HLA-F: variants seen among roughly 807,000 people sequenced by gnomAD.
HLA-F encodes the protein HLA class I histocompatibility antigen, alpha chain F.
A neutral mutation model predicts 49.5 loss-of-function variants in HLA-F; 46 were observed. The observed-to-expected ratio is 0.93, with a 90% CI of 0.73 to 1.19. The LOEUF (loss-of-function observed/expected upper bound fraction) is 1.19, where lower values mean the gene tolerates loss of function less well. HLA-F is among the 50% of genes most tolerant of loss of function. The probability of loss-of-function intolerance (pLI) is 0.00; values close to 1 mark genes in which losing one functional copy is unlikely to be tolerated. For synonymous variants in HLA-F, 203 were observed against 233.5 expected, an observed-to-expected ratio of 0.87 and a Z score of 1.19; for missense variants, 496 against 579.6, an observed-to-expected ratio of 0.86 and a Z score of 1.48.
chr6:29,733,481 CT>C (rs1776803342), intron 3 of HLA-F, among the ~76,000 whole-genome samples: 1 of 152,014 alleles, frequency 6.6e-6, no homozygotes, highest in African/African-American at 2.4e-5. Flanking sequence ...TGAAAAGTGG[CT>C]GAGTGCACAC....
At position 29,726,558 on chromosome 6, in the gene HLA-F, AATGT is replaced by A. The variant is rs1436975049; in HGVS notation, c.1037-324_1037-321del. The A allele has an allele frequency of 5.4e-5, 74 of 1,359,848 alleles. 2 individuals are homozygous for A. The highest frequency in any genetic ancestry group is 3.6e-4 in the African/African-American group (21 of 58,160). The allele number at this position is 1,359,848 out of a possible 1,614,324, so 84.2% of individuals were successfully genotyped here. On this transcript the variant is annotated intron_variant, in intron 6 of 6. Coordinates refer to ENST00000259951, the MANE Select transcript of HLA-F (RefSeq NM_001098479.2). ...GATATGTTTTTATAGCATGCACGTA[AATGT>A]GTGTGTGTGTGTGTGTGTGTGAAGA...
rs2127585758 is a variant in HLA-F, at chr6:29,724,452, C to T, written c.610+4C>T. ...AAGGAGACGCTACAGCGCGCAGGTA[C>T]CAGGGGCCATGGGCGCCTTCCCTAT... On this transcript the variant is annotated splice_donor_region_variant and intron_variant, in intron 3 of 6. Coordinates refer to ENST00000259951, the MANE Select transcript of HLA-F (RefSeq NM_001098479.2). 1 of 1,612,342 alleles carries T rather than the reference C, an allele frequency of 6.2e-7. No individual in the cohort carries two copies. The highest frequency in any genetic ancestry group is 8.5e-7 in the Non-Finnish European group (1 of 1,179,334).
At chr6:29,737,094 T>A (rs1233903653) in intron 3 of HLA-F, among the ~76,000 whole-genome samples, 2 of 152,084 alleles carry the variant, frequency 1.3e-5, no homozygotes, top group Non-Finnish European at 2.9e-5. Context: ...TTTTGCAATT[T>A]GTAATGAATT....
chr6:29,728,031 A>G (rs55672647), downstream of HLA-F: 34,229 of 518,978 alleles, frequency 0.066, 1,728 homozygotes, highest in East Asian at 0.17. Context: ...AGAGGACATT[A>G]GCTATGTCTG....
rs757381806 is a variant in HLA-F at position 29,724,439 on chromosome 6, C to A, written c.601C>A (p.Gln201Lys). The change falls in exon 3 of 7, where the codon CAG (glutamine) becomes AAG (lysine). Residue 201 changes from glutamine to lysine, a missense_variant. Coordinates refer to ENST00000259951, the MANE Select transcript of HLA-F (RefSeq NM_001098479.2). ...RYLENGKETL[Q>K]RADPPKAHVA... Reference sequence around the variant, plus strand: ...CTTGGAGAATGGGAAGGAGACGCTACAGCGCGCAGGTACCAGGGGCCATGG... The same window carrying A: ...CTTGGAGAATGGGAAGGAGACGCTAAAGCGCGCAGGTACCAGGGGCCATGG... The A allele has an allele frequency of 1.2e-6, 2 of 1,613,116 alleles. No homozygotes were observed. Among genetic ancestry groups the A allele is most frequent in the East Asian group, 2.2e-5 (1 of 44,868 alleles).
rs777697040 is a variant in HLA-F at position 29,727,004 on chromosome 6, G to A, written c.1158G>A (p.Lys386=). 4 of 1,613,404 alleles carry A rather than the reference G, an allele frequency of 2.5e-6. No individual in the cohort carries two copies. The African/African-American group carries it at 4.0e-5, about 16-fold the overall frequency. ...GTCACAGTGTCTTGGGCCGCCGGAA[G>A]GTGGGTGACATGTGGATCTTGTTTT... ...LRSHSVLGRR[K]VGDMWILFFL... The change falls in exon 7 of 7, where the codon AAG becomes AAA. Residue 386 remains lysine, a synonymous_variant. Transcript: ENST00000259951.
chr6:29,724,494 G>A, intron 3 of HLA-F, 46 bp downstream of exon 3: 1 of 1,596,192 alleles, frequency 6.3e-7, no homozygotes, highest in South Asian at 1.1e-5. Flanking sequence ...TAGATCTCTT[G>A]GGATGGCCTC....
downstream of HLA-F, among the ~76,000 whole-genome samples, chr6:29,730,207 T>C (rs1776450992): frequency 6.6e-6 from 1 of 152,212 alleles, no homozygotes; most frequent in African/African-American, 2.4e-5. Context: ...ATGGTGCACA[T>C]AGCATGGAAT....
Position 29,725,056 on chromosome 6 carries a change from C to T in HLA-F, c.636C>T (p.His212=), listed in dbSNP as rs1418704972. Residue 212 remains histidine (H), a synonymous_variant, in exon 4 of 7, where the codon CAC becomes CAT. Transcript: ENST00000259951. Reference sequence around the variant, plus strand: ...ATCCTCCAAAGGCACACGTTGCCCACCACCCCATCTCTGACCATGAGGCCA... The same window carrying T: ...ATCCTCCAAAGGCACACGTTGCCCATCACCCCATCTCTGACCATGAGGCCA... ...RADPPKAHVA[H]HPISDHEATL... 6.2e-7 allele frequency: 1 copy of T among 1,613,970 alleles called. No individual in the cohort carries two copies. The highest frequency in any genetic ancestry group is 2.2e-5 in the East Asian group (1 of 44,880).
rs188224595 is a variant in HLA-F, at chr6:29,725,449, C to A, written c.889C>A (p.Gln297Lys). The A allele has an allele frequency of 2.5e-6, 4 of 1,613,444 alleles. No individual in the cohort carries two copies. The highest frequency in any genetic ancestry group is 3.4e-6 in the Non-Finnish European group (4 of 1,179,648). Residue 297 changes from glutamine to lysine, a missense_variant and splice_region_variant, in exon 5 of 7, where the codon CAG becomes AAG. Transcript: ENST00000259951. ...LPQPLILRWE[Q>K]SPQPTIPIVG... ...CTCACCTTCCCTTCCTTTCCCAGAGCAGTCTCCCCAGCCCACCATCCCCAT... is the reference window on the plus strand; with the variant it reads ...CTCACCTTCCCTTCCTTTCCCAGAGAAGTCTCCCCAGCCCACCATCCCCAT...
intron 4 of HLA-F, 60 bp downstream of exon 4, chr6:29,725,366 A>G: frequency 1.2e-6 from 2 of 1,610,968 alleles, no homozygotes; most frequent in Non-Finnish European, 1.7e-6. Context: ...CAGGGAAAGC[A>G]GGAGCCCTTC....
At chr6:29,729,574 G>A (rs754755901), downstream of HLA-F, among the ~76,000 whole-genome samples, 2 of 152,150 alleles carry the variant, frequency 1.3e-5, no homozygotes, top group Non-Finnish European at 2.9e-5. Flanking sequence ...AAAATCTTAG[G>A]AACATTGGAT....
downstream of HLA-F, chr6:29,728,346 C>G (rs1776300168): frequency 6.3e-6 from 2 of 316,826 alleles, no homozygotes; most frequent in South Asian, 5.2e-5. Flanking sequence ...GGCCTGTAAC[C>G]TGGGGTCCAG....
chr6:29,726,093 G>A (rs1185435268), intron 6 of HLA-F, 50 bp downstream of exon 6: 2 of 1,570,322 alleles, frequency 1.3e-6, no homozygotes, highest in Non-Finnish European at 8.8e-7. Flanking sequence ...TTGTGGTCAG[G>A]AGCCTATGAG....
At position 29,725,539 on chromosome 6, in the gene HLA-F, G is replaced by C. The variant is rs1275607067; in HGVS notation, c.979G>C (p.Val327Leu). The change falls in exon 5 of 7, where the codon GTG becomes CTG. Residue 327 changes from valine to leucine, a missense_variant. Val to Leu is a conservative substitution (Grantham distance 32). Transcript: ENST00000259951. Reference sequence around the variant, plus strand: ...GGTCACTGGAGCTGTGGTCGCTGCTGTGATGTGGAGGAAGAAGAGCTCAGG... The same window carrying C: ...GGTCACTGGAGCTGTGGTCGCTGCTCTGATGTGGAGGAAGAAGAGCTCAGG... ...AVVTGAVVAA[V>L]MWRKKSSDRN... is the part of the protein sequence containing the mutation. 6 of 1,614,104 alleles carry C rather than the reference G, an allele frequency of 3.7e-6. No individual in the cohort carries two copies. Among genetic ancestry groups the C allele is most frequent in the Non-Finnish European group, 5.1e-6 (6 of 1,179,980 alleles).
At chr6:29,726,830 T>C (rs1316215656) in intron 6 of HLA-F, 53 bp from the exon 7 acceptor site, 1 of 1,587,774 alleles carries the variant, frequency 6.3e-7, no homozygotes, top group African/African-American at 1.3e-5. Flanking sequence ...GCTTGTTGGC[T>C]TTAACATCCA....
chr6:29,726,611 G>T lies in HLA-F; in HGVS notation c.1037-272G>T, dbSNP rs568136717. ...GAGAAAGAGTGAATAGAGAGATTAA[G>T]ATTCTTTTAATGGTGAAAAGATATA... On this transcript the variant is annotated intron_variant, in intron 6 of 6. Transcript: ENST00000259951. 31 of 1,513,224 alleles carry T rather than the reference G, an allele frequency of 2.0e-5. No individual in the cohort carries two copies. In the African/African-American group the frequency reaches 3.7e-4, roughly 18 times the overall value. The allele number at this position is 1,513,224 out of a possible 1,614,324, so 93.7% of individuals were successfully genotyped here. A position where few individuals can be genotyped will look rare whatever the true frequency, so the allele number is the denominator to read the frequency against.
chr6:29,726,295 G>C, intron 6 of HLA-F: 1 of 1,196,262 alleles, frequency 8.4e-7, no homozygotes, highest in East Asian at 2.3e-5. Context: ...ACTCAGCTGT[G>C]CTATTGGGTT....
At chr6:29,725,972 C>T in intron 5 of HLA-F, 39 bp from the exon 6 acceptor site, 1 of 1,612,880 alleles carries the variant, frequency 6.2e-7, no homozygotes, top group South Asian at 1.1e-5. Flanking sequence ...ATGGCCCTGC[C>T]TCCTTTCTGG....
Sources: gnomAD v4.1 joint callset for allele counts (sites outside exome capture counted in the v4.1 genomes callset) on GRCh38, gnomAD v4.1.1 for gene constraint, MANE v1.5 for transcripts, NCBI Gene and HGNC (gene_info 2026-07-23, HGNC 2026-07-21) for gene names.